Variants in RPTOR observed in about 807,000 individuals in gnomAD.
The protein encoded by RPTOR is regulatory-associated protein of mTOR.
RPTOR carries 21 observed loss-of-function variants against 169.9 expected under a neutral mutation model. That is an observed-to-expected ratio of 0.12 (90% CI 0.09 to 0.18). The LOEUF (loss-of-function observed/expected upper bound fraction) is 0.18, where lower values mean the gene tolerates loss of function less well. Among genes scored for constraint, RPTOR ranks in the 10% least tolerant of loss-of-function variants. The probability of loss-of-function intolerance (pLI) is 1.00; values close to 1 mark genes in which losing one functional copy is unlikely to be tolerated. For missense variants in RPTOR, 1,133 were observed against 1,855.9 expected (o/e 0.61, Z 7.16); for synonymous variants, 732 against 753.2 (o/e 0.97, Z 0.46).
chr17:80,648,497 CTG>C (rs1263826319), intron 3 of RPTOR, among the ~76,000 whole-genome samples: 1 of 152,010 alleles, frequency 6.6e-6, no homozygotes, highest in African/African-American at 2.4e-5. Context: ...GTGTGACAAA[CTG>C]TGAAACCCTT....
At chr17:80,793,658 C>G (rs547440852) in intron 7 of RPTOR, among the ~76,000 whole-genome samples, 1 of 152,122 alleles carries the variant, frequency 6.6e-6, no homozygotes, top group Non-Finnish European at 1.5e-5. Flanking sequence ...CCGGACAGAG[C>G]CCCCCGGTCA....
At chr17:80,692,385 G>A (rs553831323) in intron 3 of RPTOR, among the ~76,000 whole-genome samples, 12 of 152,124 alleles carry the variant, frequency 7.9e-5, no homozygotes, top group Non-Finnish European at 1.5e-4. Flanking sequence ...GCAGTGGCAT[G>A]ATCTCGGCTC....
intron 5 of RPTOR, among the ~76,000 whole-genome samples, chr17:80,745,683 G>A (rs989311022): frequency 6.6e-6 from 1 of 152,164 alleles, no homozygotes; most frequent in South Asian, 2.1e-4. Context: ...TTGTAATTAG[G>A]TGTTGTTGAA....
At chr17:80,753,890 GT>G in intron 5 of RPTOR, 119 bp from the exon 6 acceptor site, 1 of 952,346 alleles carries the variant, frequency 1.1e-6, no homozygotes, top group Non-Finnish European at 1.6e-6. Flanking sequence ...GGACTTTCCA[GT>G]GAAAACTCAC....
At chr17:80,665,407 C>T (rs1305758589) in intron 3 of RPTOR, among the ~76,000 whole-genome samples, 3 of 8,132 alleles carry the variant, frequency 3.7e-4, no homozygotes, top group African/African-American at 1.6e-3. Context: ...CCTTTCCTTT[C>T]CTTTCCTTTC....
intron 3 of RPTOR, among the ~76,000 whole-genome samples, chr17:80,661,516 G>A (rs2065723792): frequency 6.6e-6 from 1 of 152,164 alleles, no homozygotes; most frequent in Non-Finnish European, 1.5e-5. Flanking sequence ...ATATGAGCTT[G>A]TAGATGAGTT....
intron 9 of RPTOR, among the ~76,000 whole-genome samples, chr17:80,826,881 C>A (rs144687932): frequency 1.3e-5 from 2 of 152,274 alleles, no homozygotes; most frequent in African/African-American, 4.8e-5. Context: ...CACCTTCAAC[C>A]GGCAGAAGAA....
At chr17:80,764,170 ATTTTATTATTATACTTTTAAGTT>A (rs906176993) in intron 6 of RPTOR, among the ~76,000 whole-genome samples, 4 of 105,176 alleles carry the variant, frequency 3.8e-5, no homozygotes, top group South Asian at 6.4e-4. Flanking sequence ...ATTTTATTTT[ATTTTATTATTATACTTTTAAGTT>A]TTAGGGTACA....
chr17:80,702,529 A>G (rs1481195846), intron 3 of RPTOR, among the ~76,000 whole-genome samples: 1 of 152,196 alleles, frequency 6.6e-6, no homozygotes, highest in Non-Finnish European at 1.5e-5. Flanking sequence ...CCTTAACACA[A>G]TGTGGTGACA....
chr17:80,860,574 CAG>C lies in RPTOR; in HGVS notation c.1509+2675_1509+2676del, dbSNP rs898079756. On this transcript the variant is annotated intron_variant, in intron 13 of 33. Coordinates refer to ENST00000306801, the MANE Select transcript of RPTOR (RefSeq NM_020761.3). The surrounding 1 kb of genome is among the most constrained non-coding windows in gnomAD (Gnocchi z 5.8). Reference sequence around the variant, plus strand: ...ACTACTTTGGTGTCACAGCTGAAGTCAGGGGGCAGTGGGGAGGCTGCTGCCGA... The same window carrying C: ...ACTACTTTGGTGTCACAGCTGAAGTCGGGGCAGTGGGGAGGCTGCTGCCGA... Among the ~76,000 whole-genome samples, 26 of 152,184 alleles carry C rather than the reference CAG, an allele frequency of 1.7e-4. No homozygotes were observed. The highest frequency in any genetic ancestry group is 2.6e-4 in the Admixed American group (4 of 15,288).
chr17:80,934,522 C>T (rs62068529), intron 24 of RPTOR, among the ~76,000 whole-genome samples: 45,945 of 151,908 alleles, frequency 0.3, 7,149 homozygotes, highest in Middle Eastern at 0.37. Context: ...CCAGACACAG[C>T]GAATTTTGAA....
intron 9 of RPTOR, among the ~76,000 whole-genome samples, chr17:80,827,710 G>A (rs1211148272): frequency 6.6e-6 from 1 of 152,162 alleles, no homozygotes; most frequent in Non-Finnish European, 1.5e-5. Flanking sequence ...AGAGCCCAGG[G>A]AGCAATCTGA....
intron 24 of RPTOR, among the ~76,000 whole-genome samples, chr17:80,930,433 A>AGC (rs1567993857): frequency 5.3e-4 from 5 of 9,510 alleles, no homozygotes; most frequent in South Asian, 2.5e-3. Context: ...GCTCATCCTC[A>AGC]TCCCCAGCTC....
chr17:80,743,863 C>T (rs62067958), intron 5 of RPTOR, among the ~76,000 whole-genome samples: 3,075 of 41,254 alleles, frequency 0.075, 512 homozygotes, highest in African/African-American at 0.13. Context: ...AGAGCCCTGG[C>T]TACTAGCACA....
At chr17:80,919,155 T>C (rs1567986630) in intron 21 of RPTOR, among the ~76,000 whole-genome samples, 1 of 152,228 alleles carries the variant, frequency 6.6e-6, no homozygotes, top group Admixed American at 6.5e-5. Flanking sequence ...GTCACCACGT[T>C]GCTTTAATGG....
intron 3 of RPTOR, among the ~76,000 whole-genome samples, chr17:80,698,287 G>C: frequency 6.6e-6 from 1 of 152,182 alleles, no homozygotes; most frequent in South Asian, 2.1e-4. Flanking sequence ...GCCCCATGCA[G>C]AGGGGCTGCC....
intron 24 of RPTOR, among the ~76,000 whole-genome samples, chr17:80,938,124 G>T (rs1022455433): frequency 6.6e-6 from 1 of 152,268 alleles, no homozygotes; most frequent in African/African-American, 2.4e-5. Context: ...GTGGCAACAG[G>T]ACAAGTGTGG....
chr17:80,758,907 C>T (rs1270454542), intron 6 of RPTOR, among the ~76,000 whole-genome samples: 1 of 151,674 alleles, frequency 6.6e-6, no homozygotes, highest in African/African-American at 2.4e-5. Flanking sequence ...GAAATGACAT[C>T]GCTACCTTCC....
At chr17:80,595,688 C>T (rs2065139621) in intron 1 of RPTOR, among the ~76,000 whole-genome samples, 1 of 152,194 alleles carries the variant, frequency 6.6e-6, no homozygotes. Flanking sequence ...AACTCCTGGG[C>T]TCAAGCAATC....
Sources: allele counts gnomAD v4.1 joint callset (sites outside exome capture counted in the v4.1 genomes callset), GRCh38; gene constraint gnomAD v4.1.1; non-coding constraint Gnocchi (gnomAD v3.1); transcripts MANE v1.5; gene names NCBI Gene and HGNC (gene_info 2026-07-23, HGNC 2026-07-21).